FAT3: variants seen among roughly 807,000 people sequenced by gnomAD.
FAT3 encodes the protein protocadherin Fat 3.
Under a neutral mutation model 310.2 loss-of-function variants are expected in FAT3, and 95 were observed. That is an observed-to-expected ratio of 0.31 (90% confidence interval 0.26 to 0.36). The LOEUF is 0.36. FAT3 is among the 10% of genes least tolerant of loss of function. The pLI is 1.00. For synonymous variants in FAT3, 2,314 were observed against 2,192.9 expected, an observed-to-expected ratio of 1.06 and a Z score of -1.54; for missense variants, 5,408 against 5,715.6, an observed-to-expected ratio of 0.95 and a Z score of 1.74.
intron 4 of FAT3, among the ~76,000 whole-genome samples, chr11:92,746,139 A>C (rs1945659741): frequency 6.6e-6 from 1 of 152,250 alleles, no homozygotes; most frequent in South Asian, 2.1e-4. Context: ...GTAAGTTATT[A>C]AAGGCAGTTC....
rs1446059778 is a variant in FAT3, at chr11:92,354,664, T to C, written c.2552T>C (p.Ile851Thr). Residue 851 changes from isoleucine to threonine, a missense_variant, in exon 2 of 28, where the codon ATT becomes ACT. By Grantham distance (89) the Ile-to-Thr change is moderately conservative (BLOSUM62 -1). Coordinates refer to ENST00000525166, the MANE Select transcript of FAT3 (RefSeq NM_001367949.2). ...LESSGIGTEI[I>T]QVEARDKDLG... The stretch of plus-strand genomic sequence containing the variant: ...AGTTCAGGCATTGGTACTGAAATCA[T>C]TCAAGTGGAAGCCAGAGACAAAGAC... 1 of 1,613,854 alleles carries C rather than the reference T, an allele frequency of 6.2e-7. No individual in the cohort carries two copies. Among genetic ancestry groups the C allele is most frequent in the South Asian group, 1.1e-5 (1 of 91,082 alleles).
At position 92,689,373 on chromosome 11, in the gene FAT3, G is replaced by A. The variant is rs970481224; in HGVS notation, c.3608-8011G>A. ...CAGAAAGGGAAAGGGGGAGAAGTGC[G>A]CCATATTGCACATCTAAGCATGCAC... On this transcript the variant is annotated intron_variant, in intron 3 of 27. Transcript: ENST00000525166. Among the ~76,000 whole-genome samples, 8 of 152,090 alleles carry A rather than the reference G, an allele frequency of 5.3e-5. No homozygotes were observed. In the South Asian group the frequency reaches 6.2e-4, roughly 12 times the overall value.
intron 2 of FAT3, among the ~76,000 whole-genome samples, chr11:92,442,627 G>A (rs1185975549): frequency 6.6e-6 from 1 of 152,028 alleles, no homozygotes; most frequent in Non-Finnish European, 1.5e-5. Flanking sequence ...GATGGCAAAG[G>A]GAATTCAGGT....
chr11:92,690,862 T>C (rs1347546535), intron 3 of FAT3, among the ~76,000 whole-genome samples: 1 of 152,170 alleles, frequency 6.6e-6, no homozygotes, highest in Non-Finnish European at 1.5e-5. Context: ...GTCAGAATCT[T>C]ATAGAAGACA....
At chr11:92,737,535 G>T (rs1945388337) in intron 4 of FAT3, among the ~76,000 whole-genome samples, 2 of 151,944 alleles carry the variant, frequency 1.3e-5, no homozygotes, top group African/African-American at 2.4e-5. Flanking sequence ...GTGTGTGTGT[G>T]TCTGTGTGTG....
intron 4 of FAT3, among the ~76,000 whole-genome samples, chr11:92,740,270 C>T (rs2852402): frequency 0.25 from 37,406 of 152,068 alleles, 5,719 homozygotes; most frequent in African/African-American, 0.43. Context: ...AAGACTATTT[C>T]TAGAATTTAC....
intron 22 of FAT3, among the ~76,000 whole-genome samples, chr11:92,878,556 C>A (rs1219717240): frequency 7.4e-6 from 1 of 135,496 alleles, no homozygotes; most frequent in Non-Finnish European, 1.5e-5. Flanking sequence ...GAGAAAACTT[C>A]ATAAAAGTAT....
chr11:92,790,687 AC>A (rs1233629656), intron 8 of FAT3, among the ~76,000 whole-genome samples: 1 of 152,222 alleles, frequency 6.6e-6, no homozygotes, highest in African/African-American at 2.4e-5. Flanking sequence ...AGTAGTAAAT[AC>A]TGGCACACAA....
intron 2 of FAT3, among the ~76,000 whole-genome samples, chr11:92,458,047 C>T (rs1168939659): frequency 6.6e-6 from 1 of 152,236 alleles, no homozygotes; most frequent in Non-Finnish European, 1.5e-5. Flanking sequence ...TCATCTTCTT[C>T]TTTAAAGCCT....
At chr11:92,553,945 A>C (rs1391284747) in intron 3 of FAT3, among the ~76,000 whole-genome samples, 1 of 151,784 alleles carries the variant, frequency 6.6e-6, no homozygotes, top group East Asian at 2.0e-4. Flanking sequence ...AGCTGGAATT[A>C]CAGGAGCCCA....
chr11:92,667,260 G>A (rs544214435), intron 3 of FAT3, among the ~76,000 whole-genome samples: 13 of 152,300 alleles, frequency 8.5e-5, no homozygotes, highest in Non-Finnish European at 5.9e-5. Context: ...CTAGTGAGAC[G>A]TGGCAGCATC....
chr11:92,870,193 A>G (rs1949351949), intron 22 of FAT3, among the ~76,000 whole-genome samples: 1 of 152,228 alleles, frequency 6.6e-6, no homozygotes, highest in Non-Finnish European at 1.5e-5. Flanking sequence ...AGCAGGCAAC[A>G]CACAACAAGA....
chr11:92,438,233 G>A (rs1273017935), intron 2 of FAT3, among the ~76,000 whole-genome samples: 7 of 152,070 alleles, frequency 4.6e-5, no homozygotes, highest in African/African-American at 1.7e-4. Flanking sequence ...AGCCATTATG[G>A]ATGATGTTAT....
intron 3 of FAT3, among the ~76,000 whole-genome samples, chr11:92,595,759 C>A (rs1215691561): frequency 6.6e-6 from 1 of 152,280 alleles, no homozygotes; most frequent in South Asian, 2.1e-4. Flanking sequence ...AATATGACCT[C>A]ATTTATATGG....
Position 92,800,494 on chromosome 11 carries a change from C to A in FAT3, c.7481C>A (p.Pro2494His). The change falls in exon 10 of 28, where the codon CCT (proline) becomes CAT (histidine). Residue 2494 changes from proline to histidine, a missense_variant. This residue lies in a region of FAT3 where 4,588 missense variants were observed against 4,809.8 expected (regional missense o/e 0.95). Coordinates refer to ENST00000525166, the MANE Select transcript of FAT3 (RefSeq NM_001367949.2). Reference sequence around the variant, plus strand: ...GTACTTGGGGCTAACTTGTACAGCCCTGCCTTTTCACAAAGCACATACGTA... The same window carrying A: ...GTACTTGGGGCTAACTTGTACAGCCATGCCTTTTCACAAAGCACATACGTA... ...IRVLGANLYS[P>H]AFSQSTYVAE... 5.6e-6 allele frequency: 9 copies of A among 1,613,946 alleles called. No individual in the cohort carries two copies. The highest frequency in any genetic ancestry group is 7.6e-6 in the Non-Finnish European group (9 of 1,179,862).
intron 5 of FAT3, among the ~76,000 whole-genome samples, chr11:92,763,403 C>T (rs936441719): frequency 3.3e-5 from 5 of 152,100 alleles, no homozygotes; most frequent in African/African-American, 9.7e-5. Context: ...TGTGCCATTG[C>T]AGCTATGTGA....
chr11:92,270,052 A>G (rs1946081159), intron 1 of FAT3, among the ~76,000 whole-genome samples: 1 of 152,142 alleles, frequency 6.6e-6, no homozygotes, highest in South Asian at 2.1e-4. Context: ...TGTCCTCTCC[A>G]TTAAGGCTCT....
intron 3 of FAT3, among the ~76,000 whole-genome samples, chr11:92,558,402 A>ATGTGTGTGTGTGTGTGTGTGTG (rs58362077): frequency 6.7e-6 from 1 of 150,020 alleles, no homozygotes; most frequent in African/African-American, 2.5e-5. Context: ...TGTTGTGTTT[A>ATGTGTGTGTGTGTGTGTGTGTG]TGTGTGTGTG....
chr11:92,711,977 T>C (rs1011502144), intron 4 of FAT3, among the ~76,000 whole-genome samples: 1 of 152,224 alleles, frequency 6.6e-6, no homozygotes, highest in African/African-American at 2.4e-5. Flanking sequence ...AGAAATCATC[T>C]GCTTGATGAT....
Sources: allele counts gnomAD v4.1 joint callset (sites outside exome capture counted in the v4.1 genomes callset), GRCh38; gene constraint gnomAD v4.1.1; regional missense constraint gnomAD v4.1.1; transcripts MANE v1.5; gene names NCBI Gene and HGNC (gene_info 2026-07-23, HGNC 2026-07-21).